Variants in MECOM observed in about 807,000 individuals in gnomAD.
The protein encoded by MECOM is histone-lysine N-methyltransferase MECOM.
In MECOM, 13 loss-of-function variants were observed where a neutral mutation model predicts 116.3. The observed-to-expected ratio is 0.11, with a 90% CI of 0.07 to 0.18. The LOEUF is 0.18. Among genes scored for constraint, MECOM ranks in the 10% least tolerant of loss-of-function variants. MECOM has a pLI of 1.00. For missense variants in MECOM, 1,299 were observed against 1,509.0 expected (o/e 0.86, Z 2.31); for synonymous variants, 528 against 535.2 (o/e 0.99, Z 0.19).
chr3:169,199,547 G>A (rs1748886736), intron 2 of MECOM, among the ~76,000 whole-genome samples: 1 of 151,998 alleles, frequency 6.6e-6, no homozygotes, highest in Non-Finnish European at 1.5e-5. Flanking sequence ...TTGAAGTGCT[G>A]GGATTACAGG....
chr3:169,221,803 A>G (rs1577384522), intron 2 of MECOM, among the ~76,000 whole-genome samples: 2 of 152,122 alleles, frequency 1.3e-5, no homozygotes, highest in South Asian at 2.1e-4. Flanking sequence ...TCGTTTATGC[A>G]TCACTTGCTT....
intron 1 of MECOM, among the ~76,000 whole-genome samples, chr3:169,576,075 G>C (rs1764464127): frequency 6.6e-6 from 1 of 152,132 alleles, no homozygotes; most frequent in African/African-American, 2.4e-5. Context: ...TGGAGTTTAT[G>C]ATTTGTGCTG....
chr3:169,432,547 C>T (rs1244896756), intron 1 of MECOM, among the ~76,000 whole-genome samples: 1 of 152,224 alleles, frequency 6.6e-6, no homozygotes, highest in Non-Finnish European at 1.5e-5. Flanking sequence ...CTCTCTAACA[C>T]ACAAACAGAC....
At chr3:169,110,436 A>G (rs9844078) in intron 9 of MECOM, among the ~76,000 whole-genome samples, 96,008 of 142,310 alleles carry the variant, frequency 0.67, 30,509 homozygotes, top group Admixed American at 0.72. Context: ...GAAGGGTAAG[A>G]CTTGATGAAA....
At chr3:169,329,652 C>A (rs1285753117) in intron 2 of MECOM, among the ~76,000 whole-genome samples, 1 of 152,158 alleles carries the variant, frequency 6.6e-6, no homozygotes, top group East Asian at 1.9e-4. Flanking sequence ...TTATAACCTA[C>A]CCTGCCCCAG....
intron 1 of MECOM, among the ~76,000 whole-genome samples, chr3:169,519,589 CA>C (rs1265058372): frequency 6.6e-6 from 1 of 152,204 alleles, no homozygotes; most frequent in Non-Finnish European, 1.5e-5. Flanking sequence ...TGGCTCTTGG[CA>C]AAGACTTTGC....
At chr3:169,124,247 G>C (rs1318200590) in intron 5 of MECOM, among the ~76,000 whole-genome samples, 1 of 152,032 alleles carries the variant, frequency 6.6e-6, no homozygotes, top group Non-Finnish European at 1.5e-5. Flanking sequence ...AATTAGAGGG[G>C]ATAGAGAAAG....
At chr3:169,392,822 C>T (rs1428688039) in intron 1 of MECOM, among the ~76,000 whole-genome samples, 2 of 152,106 alleles carry the variant, frequency 1.3e-5, no homozygotes, top group South Asian at 2.1e-4. Flanking sequence ...TTGGTGGAAA[C>T]GCAGTTGCCA....
At chr3:169,188,351 G>T (rs1747043239) in intron 2 of MECOM, among the ~76,000 whole-genome samples, 1 of 152,044 alleles carries the variant, frequency 6.6e-6, no homozygotes, top group African/African-American at 2.4e-5. Flanking sequence ...AAGAAATATT[G>T]AGAGAAACAG....
chr3:169,576,268 G>A (rs919022729), intron 1 of MECOM, among the ~76,000 whole-genome samples: 5 of 151,854 alleles, frequency 3.3e-5, no homozygotes, highest in African/African-American at 9.7e-5. Context: ...ATTATTTAAC[G>A]TTTATTAAGT....
chr3:169,477,944 G>A (rs1402374783), intron 1 of MECOM, among the ~76,000 whole-genome samples: 1 of 152,206 alleles, frequency 6.6e-6, no homozygotes, highest in Non-Finnish European at 1.5e-5. Context: ...ACAGCAGGAT[G>A]CCTGTCGGAT....
chr3:169,131,406 AG>A (rs1734645986), intron 4 of MECOM, 22 bp downstream of exon 4: 1 of 1,575,134 alleles, frequency 6.3e-7, no homozygotes, highest in Non-Finnish European at 8.7e-7. Flanking sequence ...GGTGATAAGG[AG>A]GGTGGCGTGA....
intron 1 of MECOM, among the ~76,000 whole-genome samples, chr3:169,550,966 G>GGCGCCCGCCACT (rs1460791311): frequency 3.1e-5 from 4 of 130,084 alleles, no homozygotes; most frequent in Non-Finnish European, 4.9e-5. Context: ...TGGGACTACA[G>GGCGCCCGCCACT]GCGCCCGCCA....
At position 169,127,951 on chromosome 3, in the gene MECOM, CATTGAAAAT is replaced by C. The variant is rs1733453222; in HGVS notation, c.714_722del (p.Phe239_Met241del). 6.2e-7 allele frequency: 1 copy of C among 1,614,000 alleles called. No individual in the cohort carries two copies. Among genetic ancestry groups the C allele is most frequent in the African/African-American group, 1.3e-5 (1 of 74,932 alleles). On this transcript the variant is annotated inframe_deletion, in exon 5 of 17. Transcript: ENST00000651503. ...GTTTTTGCTGAAAGTCCTCTTCAAC[CATTGAAAAT>C]GCTGAGTGAGGAGTACTGCATGGAA...
intron 1 of MECOM, among the ~76,000 whole-genome samples, chr3:169,406,604 A>G (rs1048576995): frequency 6.6e-6 from 1 of 152,186 alleles, no homozygotes; most frequent in Non-Finnish European, 1.5e-5. Context: ...TTTGAATTGT[A>G]CTGAAAACTT....
At chr3:169,573,572 G>C (rs2109465981) in intron 1 of MECOM, among the ~76,000 whole-genome samples, 1 of 152,244 alleles carries the variant, frequency 6.6e-6, no homozygotes, top group East Asian at 1.9e-4. Context: ...CCACCAAAAA[G>C]AAGTCCCAAT....
intron 2 of MECOM, among the ~76,000 whole-genome samples, chr3:169,183,747 A>G (rs1746296733): frequency 7.0e-6 from 1 of 142,538 alleles, no homozygotes; most frequent in African/African-American, 2.5e-5. Context: ...TAAGGACTGT[A>G]GAAGATACAT....
At chr3:169,242,042 G>A (rs987094352) in intron 2 of MECOM, among the ~76,000 whole-genome samples, 1 of 152,146 alleles carries the variant, frequency 6.6e-6, no homozygotes, top group Non-Finnish European at 1.5e-5. Flanking sequence ...TGATCTGTCG[G>A]CTAACTGAGC....
At chr3:169,498,659 G>A (rs533962754) in intron 1 of MECOM, among the ~76,000 whole-genome samples, 1 of 152,220 alleles carries the variant, frequency 6.6e-6, no homozygotes, top group Non-Finnish European at 1.5e-5. Flanking sequence ...ACCATACAGG[G>A]AAGAATGAAT....
Sources: allele counts gnomAD v4.1 joint callset (sites outside exome capture counted in the v4.1 genomes callset), GRCh38; gene constraint gnomAD v4.1.1; transcripts MANE v1.5; gene names NCBI Gene and HGNC (gene_info 2026-07-23, HGNC 2026-07-21).